Variants in BRWD1 observed in about 807,000 individuals in gnomAD.
BRWD1 encodes bromodomain and WD repeat domain containing 1, also known as bromodomain and WD repeat-containing protein 1.
In BRWD1, 82 loss-of-function variants were observed where a neutral mutation model predicts 251.2. That is an observed-to-expected ratio of 0.33 (90% CI 0.27 to 0.39). The LOEUF (loss-of-function observed/expected upper bound fraction) is 0.39, where lower values mean the gene tolerates loss of function less well. BRWD1 is among the 10% of genes least tolerant of loss of function. The pLI is 1.00. For missense variants in BRWD1, 2,233 were observed against 2,711.6 expected (o/e 0.82, Z 3.92); for synonymous variants, 918 against 902.8 (o/e 1.02, Z -0.30).
At position 39,243,542 on chromosome 21, in the gene BRWD1, C is replaced by A. The variant is rs566288869; in HGVS notation, c.2481+4159G>T. ...CTCATTGCAGCCTCAACCTCCTAGG[C>A]TCAAGTGATTATCCTGCCTCAGATT... On this transcript the variant is annotated intron_variant, in intron 21 of 40. Coordinates refer to ENST00000342449, the MANE Select transcript of BRWD1 (RefSeq NM_033656.4). Among the ~76,000 whole-genome samples the A allele has an allele frequency of 2.8e-4, 43 of 152,284 alleles. No homozygotes were observed. The South Asian group carries it at 8.9e-3, about 32-fold the overall frequency.
At chr21:39,272,584 A>G (rs2035152093) in intron 13 of BRWD1, among the ~76,000 whole-genome samples, 1 of 151,156 alleles carries the variant, frequency 6.6e-6, no homozygotes, top group Non-Finnish European at 1.5e-5. Flanking sequence ...TTTAAACTAA[A>G]AGGCTTTTGA....
At chr21:39,265,203 T>C (rs1172327319) in intron 15 of BRWD1, among the ~76,000 whole-genome samples, 184 bp from the exon 16 acceptor site, 1 of 151,580 alleles carries the variant, frequency 6.6e-6, no homozygotes, top group Non-Finnish European at 1.5e-5. Context: ...GCAGGTGGAC[T>C]GCCTGAGCAC....
Position 39,186,986 on chromosome 21 carries a change from C to T in BRWD1, c.*9273G>A. ...ATGTAACTGCCAGTTTACTTGTGTA[C>T]CAATTGTTTTCAGATGCCACTTCTA... On this transcript the variant is annotated 3_prime_UTR_variant, in exon 41 of 41. Transcript: ENST00000342449. The T allele has an allele frequency of 6.6e-7, 1 of 1,519,054 alleles. No homozygotes were observed. The allele number at this position is 1,519,054 out of a possible 1,614,324, so 94.1% of individuals were successfully genotyped here.
rs2031427608 is a variant in BRWD1, at chr21:39,189,431, TA to T, written c.*6827del. ...AGTAAATACTAATTCTAACACATTT[TA>T]ATAAATGTTTATTTGTCATCCAGAA... On this transcript the variant is annotated 3_prime_UTR_variant, in exon 41 of 41. Transcript: ENST00000342449. 1 of 968,006 alleles carries T rather than the reference TA, an allele frequency of 1.0e-6. No individual in the cohort carries two copies. Among genetic ancestry groups the T allele is most frequent in the Non-Finnish European group, 1.2e-6 (1 of 814,146 alleles). The allele number at this position is 968,006 out of a possible 1,614,324, so 60.0% of individuals were successfully genotyped here. A position where few individuals can be genotyped will look rare whatever the true frequency, so the allele number is the denominator to read the frequency against.
At chr21:39,199,733 T>C in intron 39 of BRWD1, 71 bp from the exon 40 acceptor site, 1 of 1,368,686 alleles carries the variant, frequency 7.3e-7, no homozygotes, top group Non-Finnish European at 9.9e-7. Flanking sequence ...ACTATTATTT[T>C]AATGATTTTC....
At chr21:39,300,079 C>T (rs1159609834) in intron 4 of BRWD1, among the ~76,000 whole-genome samples, 1 of 152,104 alleles carries the variant, frequency 6.6e-6, no homozygotes, top group African/African-American at 2.4e-5. Flanking sequence ...AAGAAAAAAC[C>T]ACTCAAACCT....
rs1024382123 is a variant in BRWD1 at position 39,186,664 on chromosome 21, T to C, written c.*9595A>G. The C allele has an allele frequency of 6.8e-6, 1 of 146,714 alleles. No homozygotes were observed. The highest frequency in any genetic ancestry group is 1.8e-4 in the East Asian group (1 of 5,564). The allele number at this position is 146,714 out of a possible 1,614,324, so 9.1% of individuals were successfully genotyped here. A position where few individuals can be genotyped will look rare whatever the true frequency, so the allele number is the denominator to read the frequency against. On this transcript the variant is annotated 3_prime_UTR_variant, in exon 41 of 41. Transcript: ENST00000342449. ...TGAAAATTAGCATCAGGTTAAGATT[T>C]TGAAATTTGTTCACTTCAAGTTCTT...
In BRWD1 at chr21:39,186,006, G is replaced by A. The variant is rs2031209766; in HGVS notation, c.*10253C>T. On this transcript the variant is annotated 3_prime_UTR_variant, in exon 41 of 41. Coordinates refer to ENST00000342449, the MANE Select transcript of BRWD1 (RefSeq NM_033656.4). ...GACCAAATTTTCTAATCCTAGTACAGGCCACAATGAAATAGGCCAAACATG... is the reference window on the plus strand; with the variant it reads ...GACCAAATTTTCTAATCCTAGTACAAGCCACAATGAAATAGGCCAAACATG... 1 of 152,104 alleles carries A rather than the reference G, an allele frequency of 6.6e-6. No individual in the cohort carries two copies. Among genetic ancestry groups the A allele is most frequent in the Non-Finnish European group, 1.5e-5 (1 of 68,000 alleles). The allele number at this position is 152,104 out of a possible 1,614,324, so 9.4% of individuals were successfully genotyped here. A position where few individuals can be genotyped will look rare whatever the true frequency, so the allele number is the denominator to read the frequency against.
Position 39,313,058 on chromosome 21 carries a change from G to C in BRWD1, c.138+14C>G, listed in dbSNP as rs961777020. ...GAGGAACCCGAGGGAGCGCGGGGAC[G>C]GGCGCGCACAGACCTGGTACTGCTC... On this transcript the variant is annotated intron_variant, in intron 3 of 40. Coordinates refer to ENST00000342449, the MANE Select transcript of BRWD1 (RefSeq NM_033656.4). The C allele has an allele frequency of 5.0e-6, 7 of 1,396,102 alleles. No homozygotes were observed. Among genetic ancestry groups the C allele is most frequent in the African/African-American group, 4.5e-5 (3 of 66,546 alleles). The allele number at this position is 1,396,102 out of a possible 1,614,324, so 86.5% of individuals were successfully genotyped here.
At chr21:39,226,041 AAG>A (rs1034342520) in intron 27 of BRWD1, among the ~76,000 whole-genome samples, 14 of 152,176 alleles carry the variant, frequency 9.2e-5, no homozygotes, top group Non-Finnish European at 1.3e-4. Context: ...AACATGTTAG[AAG>A]AGAGTCTTTG....
At chr21:39,294,563 G>A (rs1280459243) in intron 7 of BRWD1, among the ~76,000 whole-genome samples, 3 of 151,492 alleles carry the variant, frequency 2.0e-5, no homozygotes, top group Non-Finnish European at 2.9e-5. Context: ...GCTGAGGCAG[G>A]AGAATTGTGT....
Position 39,187,845 on chromosome 21 carries a change from T to C in BRWD1, c.*8414A>G, listed in dbSNP as rs934868166. ...AGAGTTGCTTTAAGGAACCAAAAAG[T>C]GCAGAGTGCTATGAGAACACAGACT... On this transcript the variant is annotated 3_prime_UTR_variant, in exon 41 of 41. Transcript: ENST00000342449. 6.1e-5 allele frequency: 60 copies of C among 984,966 alleles called. No homozygotes were observed. Among genetic ancestry groups the C allele is most frequent in the Non-Finnish European group, 5.9e-5 (49 of 829,632 alleles). The allele number at this position is 984,966 out of a possible 1,614,324, so 61.0% of individuals were successfully genotyped here. A position where few individuals can be genotyped will look rare whatever the true frequency, so the allele number is the denominator to read the frequency against.
At chr21:39,318,277 G>A (rs1353168437), upstream of BRWD1, among the ~76,000 whole-genome samples, 1 of 152,138 alleles carries the variant, frequency 6.6e-6, no homozygotes, top group Non-Finnish European at 1.5e-5. Flanking sequence ...AAAATGGAAT[G>A]AATTAGTAGA....
chr21:39,226,933 G>A (rs1374796877), intron 27 of BRWD1, among the ~76,000 whole-genome samples: 1 of 152,132 alleles, frequency 6.6e-6, no homozygotes, highest in Non-Finnish European at 1.5e-5. Context: ...AAACCAGCCT[G>A]GGCAATACAG....
At chr21:39,222,909 C>T (rs752558424) in intron 29 of BRWD1, among the ~76,000 whole-genome samples, 7 of 151,802 alleles carry the variant, frequency 4.6e-5, no homozygotes, top group Non-Finnish European at 1.0e-4. Flanking sequence ...AAAATAATTG[C>T]ACTGAGAAAG....
chr21:39,216,662 T>A (rs1308215311), intron 31 of BRWD1: 6 of 389,698 alleles, frequency 1.5e-5, no homozygotes, highest in South Asian at 1.1e-4. Flanking sequence ...CAGAACAGTT[T>A]AAGGAATTTC....
intron 33 of BRWD1, among the ~76,000 whole-genome samples, 175 bp downstream of exon 33, chr21:39,213,306 T>C (rs2032744789): frequency 6.6e-6 from 1 of 152,218 alleles, no homozygotes; most frequent in Non-Finnish European, 1.5e-5. Context: ...TGATATTAGC[T>C]AAAACAAATT....
chr21:39,314,612 T>G, upstream of BRWD1: 1 of 341,082 alleles, frequency 2.9e-6, no homozygotes, highest in South Asian at 2.2e-5. Flanking sequence ...AACTATGAGT[T>G]TCCTCCGCGC....
intron 21 of BRWD1, among the ~76,000 whole-genome samples, chr21:39,239,736 G>A (rs1228793834): frequency 6.6e-6 from 1 of 152,228 alleles, no homozygotes; most frequent in East Asian, 1.9e-4. Flanking sequence ...TGAATCTACA[G>A]ATGATGCTGG....
Sources: allele counts gnomAD v4.1 joint callset (sites outside exome capture counted in the v4.1 genomes callset), GRCh38; gene constraint gnomAD v4.1.1; transcripts MANE v1.5; gene names NCBI Gene and HGNC (gene_info 2026-07-23, HGNC 2026-07-21).